The following RBL2 variants were observed in gnomAD, a reference collection of about 807,000 sequenced individuals.
RBL2 encodes the protein RB transcriptional corepressor like 2.
Under a neutral mutation model 126.0 loss-of-function variants are expected in RBL2, and 56 were observed. That is an observed-to-expected ratio of 0.44 (90% CI 0.36 to 0.56). RBL2 has a LOEUF of 0.56. RBL2 is among the 20% of genes least tolerant of loss of function. The pLI is 0.00. For synonymous variants in RBL2, 454 were observed against 478.5 expected (o/e 0.95, Z 0.67); for missense variants, 1,229 against 1,398.2 (o/e 0.88, Z 1.93).
intron 2 of RBL2, among the ~76,000 whole-genome samples, chr16:53,439,862 A>G (rs180983383): frequency 2.1e-4 from 32 of 149,984 alleles, no homozygotes; most frequent in African/African-American, 7.7e-4. Flanking sequence ...AGGCCTAGCT[A>G]CTTGGGAGGC....
chr16:53,475,144 T>C (rs567911992), intron 17 of RBL2, among the ~76,000 whole-genome samples: 8 of 152,316 alleles, frequency 5.3e-5, no homozygotes, highest in East Asian at 1.9e-4. Context: ...CAAATAATTA[T>C]AATATTTCCT....
chr16:53,447,956 T>A (rs778774903), intron 4 of RBL2, among the ~76,000 whole-genome samples: 30 of 152,126 alleles, frequency 2.0e-4, no homozygotes, highest in Non-Finnish European at 4.0e-4. Flanking sequence ...CTTTTTATAT[T>A]TCTATGTAGA....
intron 3 of RBL2, 58 bp downstream of exon 3, chr16:53,442,916 A>G (rs1270341834): frequency 1.0e-5 from 13 of 1,239,144 alleles, no homozygotes; most frequent in Non-Finnish European, 2.2e-6. Context: ...CAGTGTTGAT[A>G]TTCTGCTAGG....
In RBL2 at chr16:53,490,157, C is replaced by T. The variant is rs150272534; in HGVS notation, c.3277C>T (p.Arg1093Cys). ...ACTGAGAGAAATTAATAGTATGATA[C>T]GCACAGGAGAAACTCCTACTAAAAA... is the stretch of plus-strand genomic sequence containing the variant. ...KRLREINSMIRTGETPTKKRG... is the reference protein window; with the variant it reads ...KRLREINSMICTGETPTKKRG... Residue 1093 changes from arginine (R) to cysteine (C), a missense_variant, in exon 22 of 22, where the codon CGC becomes TGC. By Grantham distance (180) the Arg-to-Cys change is radical. This residue lies in a region of RBL2 where 1,070 missense variants were observed against 1,274.3 expected (regional missense o/e 0.84). Coordinates refer to ENST00000262133, the MANE Select transcript of RBL2 (RefSeq NM_005611.4). The T allele has an allele frequency of 3.7e-5, 60 of 1,604,572 alleles. No homozygotes were observed. In the Admixed American group the frequency reaches 6.3e-4, roughly 17 times the overall value.
At chr16:53,436,006 T>C (rs1356955049) in intron 1 of RBL2, among the ~76,000 whole-genome samples, 4 of 152,150 alleles carry the variant, frequency 2.6e-5, no homozygotes, top group Non-Finnish European at 4.4e-5. Context: ...AATAATGTAG[T>C]TTCTGGCACA....
chr16:53,474,790 G>GTCTGGTTTTA lies in RBL2; in HGVS notation c.2703+3870_2703+3879dup, dbSNP rs1439525474. Among the ~76,000 whole-genome samples, 3 of 152,156 alleles carry GTCTGGTTTTA rather than the reference G, an allele frequency of 2.0e-5. No individual in the cohort carries two copies. In the East Asian group the frequency reaches 5.8e-4, roughly 29 times the overall value. On this transcript the variant is annotated intron_variant, in intron 17 of 21. Coordinates refer to ENST00000262133, the MANE Select transcript of RBL2 (RefSeq NM_005611.4). The stretch of plus-strand genomic sequence containing the variant: ...TCTGTAGTTTTCTTGTTGTGGCTTT[G>GTCTGGTTTTA]TCTGGTTTTATTATCAGGGTAATAA...
intron 1 of RBL2, chr16:53,435,533 A>G: frequency 1.7e-6 from 2 of 1,187,388 alleles, no homozygotes; most frequent in Non-Finnish European, 1.1e-6. Context: ...GCAGATGAGA[A>G]AAATGGCCAT....
chr16:53,445,326 CAAAAAAAA>C (rs11360172), intron 3 of RBL2, among the ~76,000 whole-genome samples: 6 of 114,550 alleles, frequency 5.2e-5, no homozygotes, highest in Admixed American at 4.6e-4. Flanking sequence ...GACCTTGTCT[CAAAAAAAA>C]AAAAAAAAAA....
In RBL2 at chr16:53,470,542, C is replaced by G. The variant is rs200383130; in HGVS notation, c.2405C>G (p.Pro802Arg). ...GTGACAGGAACAACTTTGCAAGTCC[C>G]TGGTCAAGTGGCCATTCAACAGATT... ...QQVTGTTLQVPGQVAIQQISP... is the reference protein window; with the variant it reads ...QQVTGTTLQVRGQVAIQQISP... The change falls in exon 16 of 22, where the codon CCT becomes CGT. Residue 802 changes from proline to arginine, a missense_variant. By Grantham distance (103) the Pro-to-Arg change is moderately radical. This residue lies in a region of RBL2 where 1,070 missense variants were observed against 1,274.3 expected (regional missense o/e 0.84). Transcript: ENST00000262133. The G allele has an allele frequency of 6.2e-7, 1 of 1,614,158 alleles. No homozygotes were observed. Among genetic ancestry groups the G allele is most frequent in the East Asian group, 2.2e-5 (1 of 44,882 alleles).
intron 21 of RBL2, chr16:53,489,030 C>T (rs1961286141): frequency 7.0e-6 from 1 of 143,562 alleles, no homozygotes; most frequent in South Asian, 2.2e-4. Flanking sequence ...GCTTGGACAA[C>T]ATAGTGCAAC....
At position 53,470,754 on chromosome 16, in the gene RBL2, T is replaced by G. The variant is rs1421937809; in HGVS notation, c.2535T>G (p.His845Gln). ...ATGTTTTTATCTCCTAGGTATACCATTTAGCAGCTGTCCGCCTTCGGGATC... is the reference window on the plus strand; with the variant it reads ...ATGTTTTTATCTCCTAGGTATACCAGTTAGCAGCTGTCCGCCTTCGGGATC... ...SLSLFFRKVY[H>Q]LAAVRLRDLC... is the part of the protein sequence containing the mutation. The change falls in exon 17 of 22, where the codon CAT (histidine) becomes CAG (glutamine). Residue 845 changes from histidine to glutamine, a missense_variant. Physicochemically the swap from His to Gln is conservative, Grantham distance 24 (BLOSUM62 0). Transcript: ENST00000262133. 1 of 1,614,096 alleles carries G rather than the reference T, an allele frequency of 6.2e-7. No homozygotes were observed.
At position 53,470,494 on chromosome 16, in the gene RBL2, C is replaced by G; in HGVS notation, c.2357C>G (p.Ala786Gly). The G allele has an allele frequency of 6.2e-7, 1 of 1,614,152 alleles. No individual in the cohort carries two copies. The highest frequency in any genetic ancestry group is 1.1e-5 in the South Asian group (1 of 91,082). Residue 786 changes from alanine (A) to glycine (G), a missense_variant, in exon 16 of 22, where the codon GCT becomes GGT. Physicochemically the swap from Ala to Gly is moderately conservative, Grantham distance 60. Around this residue, in one of 2 missense-constraint regions of RBL2, gnomAD observed 1,070 missense variants for 1,274.3 expected, o/e 0.84. Coordinates refer to ENST00000262133, the MANE Select transcript of RBL2 (RefSeq NM_005611.4). Reference protein sequence around the residue: ...SIQPLSAQALAGSLSSQQVTG... With the variant: ...SIQPLSAQALGGSLSSQQVTG... ...CAGCCCCTCAGTGCTCAGGCCCTGG[C>G]TGGAAGTCTGAGCTCTCAACAGGTG...
chr16:53,462,080 C>T (rs1487208205), intron 10 of RBL2, among the ~76,000 whole-genome samples: 2 of 152,064 alleles, frequency 1.3e-5, no homozygotes, highest in Non-Finnish European at 2.9e-5. Context: ...TTTTTATCTG[C>T]AAATCTTTAG....
At chr16:53,451,853 T>G (rs2058118049) in intron 5 of RBL2, 22 bp downstream of exon 5, 2 of 1,611,822 alleles carry the variant, frequency 1.2e-6, no homozygotes, top group Non-Finnish European at 1.7e-6. Flanking sequence ...AATCAAAGAT[T>G]TTTGGGCAAT....
intron 21 of RBL2, among the ~76,000 whole-genome samples, chr16:53,485,293 C>A (rs993974422): frequency 6.6e-6 from 1 of 151,908 alleles, no homozygotes; most frequent in African/African-American, 2.4e-5. Flanking sequence ...ATTCTTGGAA[C>A]CTAAATTATA....
intron 8 of RBL2, among the ~76,000 whole-genome samples, chr16:53,457,259 T>C (rs72801832): frequency 0.031 from 1,717 of 56,090 alleles, 18 homozygotes; most frequent in African/African-American, 0.036. Flanking sequence ...TACAGATAGC[T>C]TTTTTTTTTT....
chr16:53,440,086 A>G (rs776520072), intron 2 of RBL2, among the ~76,000 whole-genome samples: 7 of 152,034 alleles, frequency 4.6e-5, no homozygotes, highest in Admixed American at 6.6e-5. Flanking sequence ...ACTTGAGGTC[A>G]AGAATTGGAG....
At chr16:53,441,544 T>C (rs1338967059) in intron 2 of RBL2, among the ~76,000 whole-genome samples, 1 of 152,342 alleles carries the variant, frequency 6.6e-6, no homozygotes, top group Middle Eastern at 3.4e-3. Flanking sequence ...GCAATTAAAA[T>C]GAATATATCT....
In RBL2 at chr16:53,490,384, AAT is replaced by A; in HGVS notation, c.*85_*86del. On this transcript the variant is annotated 3_prime_UTR_variant, in exon 22 of 22. Transcript: ENST00000262133. Reference sequence around the variant, plus strand: ...TCTAGATTATGGAGCTTTTTTCCTTAATCCAGCTGATGAGTTACAGCCTGTTA... The same window carrying A: ...TCTAGATTATGGAGCTTTTTTCCTTACCAGCTGATGAGTTACAGCCTGTTA... The A allele has an allele frequency of 7.7e-7, 1 of 1,296,808 alleles. No homozygotes were observed. Among genetic ancestry groups the A allele is most frequent in the Non-Finnish European group, 1.0e-6 (1 of 955,148 alleles). 80.3% of individuals were successfully genotyped at this position (1,296,808 alleles called of 1,614,324 possible).
Sources: allele counts gnomAD v4.1 joint callset (sites outside exome capture counted in the v4.1 genomes callset), GRCh38; gene constraint gnomAD v4.1.1; regional missense constraint gnomAD v4.1.1; transcripts MANE v1.5; gene names NCBI Gene and HGNC (gene_info 2026-07-23, HGNC 2026-07-21).